Variants in SPOCK1 observed in about 807,000 individuals in gnomAD.
The protein encoded by SPOCK1 is SPARC (osteonectin), cwcv and kazal like domains proteoglycan 1.
SPOCK1 carries 23 observed loss-of-function variants against 55.3 expected under a neutral mutation model. The ratio of observed to expected loss-of-function variants is 0.42; its 90% CI spans 0.30 to 0.59. SPOCK1 has a LOEUF of 0.59. SPOCK1 is among the 20% of genes least tolerant of loss of function. SPOCK1 has a pLI of 0.22. For synonymous variants in SPOCK1, 226 were observed against 221.0 expected (o/e 1.02, Z -0.20); for missense variants, 499 against 552.5 (o/e 0.90, Z 0.97).
chr5:137,374,463 C>T (rs1056429062), intron 2 of SPOCK1, among the ~76,000 whole-genome samples: 1 of 152,170 alleles, frequency 6.6e-6, no homozygotes, highest in Non-Finnish European at 1.5e-5. Flanking sequence ...CCATGATGAG[C>T]GATGCACCTG....
At chr5:137,068,429 C>A (rs955725227) in intron 5 of SPOCK1, among the ~76,000 whole-genome samples, 2 of 152,202 alleles carry the variant, frequency 1.3e-5, no homozygotes, top group African/African-American at 4.8e-5. Flanking sequence ...TAGCTTGTGA[C>A]TCCGTGGAAA....
intron 2 of SPOCK1, among the ~76,000 whole-genome samples, chr5:137,346,850 G>A (rs1750568499): frequency 1.3e-5 from 2 of 152,136 alleles, no homozygotes; most frequent in Admixed American, 6.5e-5. Flanking sequence ...GATAAAGAAG[G>A]GAACTGAGAA....
At chr5:137,235,654 G>A (rs1418297604) in intron 3 of SPOCK1, among the ~76,000 whole-genome samples, 1 of 152,276 alleles carries the variant, frequency 6.6e-6, no homozygotes, top group African/African-American at 2.4e-5. Flanking sequence ...ACTGCTCTGT[G>A]TGAAGATTTG....
chr5:137,353,702 T>C (rs1750730312), intron 2 of SPOCK1, among the ~76,000 whole-genome samples: 1 of 152,130 alleles, frequency 6.6e-6, no homozygotes, highest in African/African-American at 2.4e-5. Context: ...TGCAGTGATA[T>C]ACAAACAAAT....
At chr5:137,429,326 C>T (rs6893152) in intron 2 of SPOCK1, among the ~76,000 whole-genome samples, 11,685 of 152,260 alleles carry the variant, frequency 0.077, 1,134 homozygotes, top group African/African-American at 0.23. Context: ...GCAGAACTTT[C>T]TCTGTGAAAT....
At chr5:137,029,331 C>T (rs1751733966) in intron 6 of SPOCK1, among the ~76,000 whole-genome samples, 1 of 152,180 alleles carries the variant, frequency 6.6e-6, no homozygotes, top group African/African-American at 2.4e-5. Context: ...ATAAATATGT[C>T]AAAGAAAAGG....
Position 136,978,580 on chromosome 5 carries a change from T to TCTTAG in SPOCK1, c.*69_*73dup. The stretch of plus-strand genomic sequence containing the variant: ...GAGAAGAGACCTTGGTGCCTTGGAG[T>TCTTAG]CTTAGATACAAATGCAGGAATAGGA... On this transcript the variant is annotated 3_prime_UTR_variant, in exon 11 of 11. Transcript: ENST00000394945. 2.7e-6 allele frequency: 4 copies of TCTTAG among 1,495,194 alleles called. No individual in the cohort carries two copies. The South Asian group carries it at 5.4e-5, about 20-fold the overall frequency. The allele number at this position is 1,495,194 out of a possible 1,614,324, so 92.6% of individuals were successfully genotyped here. A position where few individuals can be genotyped will look rare whatever the true frequency, so the allele number is the denominator to read the frequency against.
intron 3 of SPOCK1, among the ~76,000 whole-genome samples, chr5:137,188,319 C>T (rs1755112639): frequency 6.6e-6 from 1 of 152,172 alleles, no homozygotes. Context: ...GCATTTTTTA[C>T]TCATTGAAGG....
At chr5:137,345,046 A>C (rs116814539) in intron 2 of SPOCK1, among the ~76,000 whole-genome samples, 2,848 of 152,346 alleles carry the variant, frequency 0.019, 37 homozygotes, top group Non-Finnish European at 0.027. Context: ...AGAAACATGG[A>C]CTAAATATAG....
intron 2 of SPOCK1, among the ~76,000 whole-genome samples, chr5:137,449,398 GT>G: frequency 6.6e-6 from 1 of 152,336 alleles, no homozygotes; most frequent in East Asian, 1.9e-4. Flanking sequence ...TCAGAAAGTA[GT>G]TTTAACATTA....
chr5:136,994,751 G>A (rs559014528), intron 6 of SPOCK1, among the ~76,000 whole-genome samples: 45 of 151,686 alleles, frequency 3.0e-4, no homozygotes, highest in Admixed American at 9.2e-4. Flanking sequence ...GGTGGTTCAC[G>A]CCTGTAATCC....
chr5:137,213,954 C>T (rs891256592), intron 3 of SPOCK1, among the ~76,000 whole-genome samples: 6 of 152,176 alleles, frequency 3.9e-5, no homozygotes, highest in Admixed American at 2.0e-4. Context: ...TGCATCTGTT[C>T]GTGTCTGCAT....
intron 3 of SPOCK1, among the ~76,000 whole-genome samples, chr5:137,266,685 T>C (rs1756858099): frequency 6.6e-6 from 1 of 152,198 alleles, no homozygotes; most frequent in South Asian, 2.1e-4. Flanking sequence ...GTCTGTTCCA[T>C]GAATGAAAGC....
At chr5:137,094,896 C>T (rs1186773262) in intron 5 of SPOCK1, among the ~76,000 whole-genome samples, 10 of 152,206 alleles carry the variant, frequency 6.6e-5, no homozygotes, top group African/African-American at 2.2e-4. Flanking sequence ...ATGCCTTTGT[C>T]GCTAAGCACG....
intron 6 of SPOCK1, among the ~76,000 whole-genome samples, chr5:137,067,202 G>A (rs1752525451): frequency 6.6e-6 from 1 of 152,142 alleles, no homozygotes; most frequent in Admixed American, 6.5e-5. Context: ...CTCAGCCACA[G>A]AAGAGAAACA....
At chr5:137,438,193 G>T (rs1752904474) in intron 2 of SPOCK1, among the ~76,000 whole-genome samples, 1 of 152,004 alleles carries the variant, frequency 6.6e-6, no homozygotes, top group East Asian at 1.9e-4. Context: ...GAGCAGGGAG[G>T]GAGACCAGAA....
intron 3 of SPOCK1, among the ~76,000 whole-genome samples, chr5:137,150,013 A>G (rs1370054589): frequency 6.6e-6 from 1 of 152,146 alleles, no homozygotes; most frequent in Non-Finnish European, 1.5e-5. Context: ...ATGCTCATTT[A>G]TTATCCTCAT....
chr5:137,338,283 C>T (rs1363765642), intron 2 of SPOCK1, among the ~76,000 whole-genome samples: 3 of 151,194 alleles, frequency 2.0e-5, no homozygotes, highest in Admixed American at 1.3e-4. Flanking sequence ...GTTTGTTGTC[C>T]TTGCGATAGT....
Position 137,160,624 on chromosome 5 carries a change from T to TATATAATATATAATATATAATATATATTA in SPOCK1, c.233-19931_233-19930insTAATATATATTATATATTATATATTATAT, listed in dbSNP as rs1561631839. Among the ~76,000 whole-genome samples, 84 of 69,324 alleles carry TATATAATATATAATATATAATATATATTA rather than the reference T, an allele frequency of 1.2e-3. 2 individuals carry two copies. Among genetic ancestry groups the TATATAATATATAATATATAATATATATTA allele is most frequent in the African/African-American group, 5.2e-3 (82 of 15,682 alleles). 45.5% of individuals were successfully genotyped at this position (69,324 alleles called of 152,430 possible). ...TTATATATAATATATAATATATATTTTATATAATATATAATATATATTTTA... is the reference window on the plus strand; with the variant it reads ...TTATATATAATATATAATATATATTTATATAATATATAATATATAATATATATTATATATAATATATAATATATATTTTA... On this transcript the variant is annotated intron_variant, in intron 3 of 10. Coordinates refer to ENST00000394945, the MANE Select transcript of SPOCK1 (RefSeq NM_004598.4).
Sources: allele counts gnomAD v4.1 joint callset (sites outside exome capture counted in the v4.1 genomes callset), GRCh38; gene constraint gnomAD v4.1.1; transcripts MANE v1.5; gene names NCBI Gene and HGNC (gene_info 2026-07-23, HGNC 2026-07-21).